FAM186B: variants seen among roughly 807,000 people sequenced by gnomAD.
FAM186B encodes the protein protein FAM186B.
A neutral mutation model predicts 83.4 loss-of-function variants in FAM186B; 68 were observed. The ratio of observed to expected loss-of-function variants is 0.81; its 90% CI spans 0.67 to 1.00. The LOEUF (loss-of-function observed/expected upper bound fraction) is 1.00, where lower values mean the gene tolerates loss of function less well. Among genes scored for constraint, FAM186B ranks in the 50% least tolerant of loss-of-function variants. FAM186B has a pLI of 0.00. For synonymous variants in FAM186B, 389 were observed against 422.0 expected, an observed-to-expected ratio of 0.92 and a Z score of 0.96; for missense variants, 983 against 1,099.2, an observed-to-expected ratio of 0.89 and a Z score of 1.49.
chr12:49,586,167 AG>A (rs1326235348), downstream of FAM186B, among the ~76,000 whole-genome samples: 5 of 152,232 alleles, frequency 3.3e-5, no homozygotes, highest in Admixed American at 2.0e-4. Context: ...TCCCTTAGAA[AG>A]GGGAAGCTGT....
At chr12:49,592,441 T>C (rs1468888164) in intron 5 of FAM186B, among the ~76,000 whole-genome samples, 2 of 151,552 alleles carry the variant, frequency 1.3e-5, no homozygotes, top group African/African-American at 4.9e-5. Flanking sequence ...CACTGCACTC[T>C]AGCCTGGGCA....
At chr12:49,598,718 A>G (rs374618843) in intron 5 of FAM186B, 37 bp downstream of exon 5, 1 of 1,535,706 alleles carries the variant, frequency 6.5e-7, no homozygotes, top group Non-Finnish European at 8.8e-7. Flanking sequence ...TGACCCCAGG[A>G]GGCGGAGTGG....
chr12:49,595,255 T>A, intron 5 of FAM186B: 1 of 707,380 alleles, frequency 1.4e-6, no homozygotes, highest in Non-Finnish European at 2.5e-6. Flanking sequence ...CCCAGTACAG[T>A]GTAGCCTTGA....
chr12:49,621,559 T>C, the FAM186B span, among the ~76,000 whole-genome samples: 1 of 152,200 alleles, frequency 6.6e-6, no homozygotes, highest in Non-Finnish European at 1.5e-5. Flanking sequence ...TATATCTAGA[T>C]ATTCTGAGAG....
the FAM186B span, among the ~76,000 whole-genome samples, chr12:49,620,840 T>C: frequency 3.7e-4 from 57 of 152,192 alleles, no homozygotes; most frequent in Admixed American, 3.3e-3. Context: ...TCCGTAAGAA[T>C]TGTAAACGTT....
At chr12:49,619,406 G>A in the FAM186B span, 2 of 481,978 alleles carry the variant, frequency 4.1e-6, no homozygotes, top group Non-Finnish European at 3.8e-6. Flanking sequence ...AAAAGCTAAA[G>A]AGGCACCATT....
the FAM186B span, among the ~76,000 whole-genome samples, chr12:49,611,932 G>A: frequency 6.6e-5 from 10 of 151,788 alleles, no homozygotes; most frequent in African/African-American, 1.9e-4. Flanking sequence ...CCAGACAAGC[G>A]TGCTAAGGGA....
Position 49,595,997 on chromosome 12 carries a change from A to C in FAM186B, c.2364+2758T>G, listed in dbSNP as rs1939712419. Among the ~76,000 whole-genome samples, 3 of 152,174 alleles carry C rather than the reference A, an allele frequency of 2.0e-5. 1 individual carries two copies. In the South Asian group the frequency reaches 6.2e-4, roughly 32 times the overall value. On this transcript the variant is annotated intron_variant, in intron 5 of 6. Coordinates refer to ENST00000257894, the MANE Select transcript of FAM186B (RefSeq NM_032130.3). ...AGACTCCGTCTCAAAAAAATAAATA[A>C]ATAAAAATAAGACTAGAGCAGCGAA...
At chr12:49,593,372 T>C (rs1939631400) in intron 5 of FAM186B, among the ~76,000 whole-genome samples, 1 of 152,156 alleles carries the variant, frequency 6.6e-6, no homozygotes. Flanking sequence ...GGGTGGCTCA[T>C]GCCTGTAATC....
In FAM186B at chr12:49,601,033, G is replaced by C; in HGVS notation, c.607C>G (p.His203Asp). Residue 203 changes from histidine to aspartate, a missense_variant, in exon 4 of 7, where the codon CAT becomes GAT. His to Asp is a moderately conservative substitution (Grantham distance 81). Coordinates refer to ENST00000257894, the MANE Select transcript of FAM186B (RefSeq NM_032130.3). ...TCCGAGGCCTTCGTGTTCATGGTAT[G>C]CTGGTCCTGGAGCATCTGTTCTGGG... ...LSPEQMLQDQ[H>D]TMNTKASEVT... The C allele has an allele frequency of 6.2e-7, 1 of 1,614,164 alleles. No individual in the cohort carries two copies. Among genetic ancestry groups the C allele is most frequent in the Non-Finnish European group, 8.5e-7 (1 of 1,180,006 alleles).
At chr12:49,610,652 C>T in the FAM186B span, among the ~76,000 whole-genome samples, 2,728 of 151,830 alleles carry the variant, frequency 0.018, 70 homozygotes, top group African/African-American at 0.057. Context: ...TAGCCGGACA[C>T]GGTCGTGGGC....
In FAM186B at chr12:49,595,486, G is replaced by C. The variant is rs1174795538; in HGVS notation, c.2364+3269C>G. ...TCATGAGATCAGTTTTGGAAGTAAA[G>C]TTACAACACTCCCGCTTGCTAAGGA... On this transcript the variant is annotated intron_variant, in intron 5 of 6. Transcript: ENST00000257894. 2.3e-5 allele frequency: 11 copies of C among 471,262 alleles called. 1 individual carries two copies. The highest frequency in any genetic ancestry group is 1.9e-4 in the South Asian group (11 of 59,422). The allele number at this position is 471,262 out of a possible 1,614,324, so 29.2% of individuals were successfully genotyped here. A position where few individuals can be genotyped will look rare whatever the true frequency, so the allele number is the denominator to read the frequency against.
intron 5 of FAM186B, among the ~76,000 whole-genome samples, chr12:49,589,956 G>A (rs1380839061): frequency 7.0e-6 from 1 of 143,492 alleles, no homozygotes; most frequent in African/African-American, 2.7e-5. Flanking sequence ...ACTCCAGCCT[G>A]GCAATAGCGA....
At chr12:49,591,000 G>C (rs1438048232) in intron 5 of FAM186B, among the ~76,000 whole-genome samples, 1 of 152,092 alleles carries the variant, frequency 6.6e-6, no homozygotes, top group Non-Finnish European at 1.5e-5. Context: ...CTATTCTCCT[G>C]TAAACAACTA....
Position 49,603,309 on chromosome 12 carries a change from C to T in FAM186B, c.381G>A (p.Leu127=), listed in dbSNP as rs748142197. ...PRKSEEEAAA[L]DEWIEVTEKV... ...TCTCCGTCACTTCAATCCATTCGTC[C>T]AGAGCTGCTGCTTCCTCTTCACTCT... is the stretch of plus-strand genomic sequence containing the variant. The change falls in exon 3 of 7, where the codon CTG becomes CTA. Residue 127 remains leucine, a synonymous_variant. Transcript: ENST00000257894. The T allele has an allele frequency of 1.9e-6, 3 of 1,614,212 alleles. No homozygotes were observed. The highest frequency in any genetic ancestry group is 2.5e-6 in the Non-Finnish European group (3 of 1,180,042).
chr12:49,586,069 C>T (rs1939436781), downstream of FAM186B, among the ~76,000 whole-genome samples: 1 of 152,228 alleles, frequency 6.6e-6, no homozygotes, highest in African/African-American at 2.4e-5. Context: ...GACAGCACAG[C>T]AGGCTCTGCC....
upstream of FAM186B, among the ~76,000 whole-genome samples, chr12:49,607,940 TCCAC>T (rs1940052235): frequency 3.3e-5 from 5 of 151,822 alleles, no homozygotes; most frequent in Non-Finnish European, 5.9e-5. Flanking sequence ...CCCCAGGTGA[TCCAC>T]CCACCTTGGC....
At chr12:49,620,514 A>G in the FAM186B span, among the ~76,000 whole-genome samples, 1 of 143,152 alleles carries the variant, frequency 7.0e-6, no homozygotes, top group Admixed American at 6.9e-5. Flanking sequence ...CTAAAAATAC[A>G]AAAAAAAAAA....
At chr12:49,588,673 T>C in intron 5 of FAM186B, 50 bp from the exon 6 acceptor site, 1 of 1,517,342 alleles carries the variant, frequency 6.6e-7, no homozygotes. Context: ...TTATCTCCTC[T>C]CTAGGTCGTG....
Sources: allele counts gnomAD v4.1 joint callset (sites outside exome capture counted in the v4.1 genomes callset), GRCh38; gene constraint gnomAD v4.1.1; transcripts MANE v1.5; gene names NCBI Gene and HGNC (gene_info 2026-07-23, HGNC 2026-07-21).